The following ITGAE variants were observed in gnomAD, a reference collection of about 807,000 sequenced individuals.
ITGAE encodes the protein integrin subunit alpha E.
ITGAE carries 99 observed loss-of-function variants against 136.5 expected under a neutral mutation model. The ratio of observed to expected loss-of-function variants is 0.73; its 90% CI spans 0.62 to 0.86. ITGAE has a LOEUF of 0.86. Among genes scored for constraint, ITGAE ranks in the 40% least tolerant of loss-of-function variants. The pLI is 0.00. For missense variants in ITGAE, 1,447 were observed against 1,515.3 expected, an observed-to-expected ratio of 0.95 and a Z score of 0.75; for synonymous variants, 613 against 591.8, an observed-to-expected ratio of 1.04 and a Z score of -0.52.
intron 12 of ITGAE, 42 bp from the exon 13 acceptor site, chr17:3,753,967 C>T (rs2051938494): frequency 1.9e-6 from 3 of 1,594,234 alleles, no homozygotes; most frequent in Middle Eastern, 1.7e-4. Flanking sequence ...CCGTGTGCTC[C>T]CACCTGGCCT....
chr17:3,770,643 G>T (rs138672473), intron 2 of ITGAE, among the ~76,000 whole-genome samples: 1 of 152,276 alleles, frequency 6.6e-6, no homozygotes. Context: ...GCAGGCCCGT[G>T]GTCTCAGGCC....
intron 1 of ITGAE, among the ~76,000 whole-genome samples, chr17:3,795,987 ATC>A (rs1380349119): frequency 3.1e-4 from 8 of 25,620 alleles, no homozygotes; most frequent in South Asian, 2.1e-3. Flanking sequence ...CCGTGTGTGC[ATC>A]TGTGTGTGCA....
intron 4 of ITGAE, 50 bp downstream of exon 4, chr17:3,761,865 G>A: frequency 1.3e-6 from 2 of 1,511,148 alleles, no homozygotes; most frequent in Non-Finnish European, 1.8e-6. Context: ...AACCACGAGG[G>A]CTAGCACCAG....
chr17:3,773,033 C>T (rs1049685433), intron 2 of ITGAE, among the ~76,000 whole-genome samples: 3 of 152,204 alleles, frequency 2.0e-5, no homozygotes, highest in Non-Finnish European at 4.4e-5. Context: ...TCCCACAAGA[C>T]TGCTCCTAAC....
At position 3,749,410 on chromosome 17, in the gene ITGAE, G is replaced by A. The variant is rs141604170; in HGVS notation, c.2024+942C>T. On this transcript the variant is annotated intron_variant, in intron 16 of 30. Coordinates refer to ENST00000263087, the MANE Select transcript of ITGAE (RefSeq NM_002208.5). ...TGGGACTATAGGCGCCCGCCACCAT[G>A]CCCGGCTAATTTTTTGTATTTTTAG... Among the ~76,000 whole-genome samples the A allele has an allele frequency of 5.6e-3, 854 of 152,172 alleles. 11 individuals carry two copies. The highest frequency in any genetic ancestry group is 0.02 in the African/African-American group (812 of 41,546).
chr17:3,795,319 C>G (rs1241667503), intron 1 of ITGAE, among the ~76,000 whole-genome samples: 2 of 152,198 alleles, frequency 1.3e-5, no homozygotes, highest in African/African-American at 4.8e-5. Context: ...CAGGGCCAGG[C>G]CCACCCAAAA....
At chr17:3,738,318 C>T (rs1171038366) in intron 20 of ITGAE, among the ~76,000 whole-genome samples, 2 of 152,020 alleles carry the variant, frequency 1.3e-5, no homozygotes, top group African/African-American at 4.8e-5. Flanking sequence ...TTACAGGCGC[C>T]CACCACCATG....
In ITGAE at chr17:3,751,648, A is replaced by G. The variant is rs753823372; in HGVS notation, c.1893+2T>C. ...GAGGAAGGAGAGGGCCCCATGGGTC[A>G]CCTGCGAGGGGCTGGCGGAGAGGCC... On this transcript the variant is annotated splice_donor_variant, in intron 15 of 30. Transcript: ENST00000263087. LOFTEE classifies it high-confidence loss of function. 6.2e-7 allele frequency: 1 copy of G among 1,613,006 alleles called. No homozygotes were observed. Among genetic ancestry groups the G allele is most frequent in the Non-Finnish European group, 8.5e-7 (1 of 1,179,220 alleles).
intron 2 of ITGAE, among the ~76,000 whole-genome samples, chr17:3,772,621 G>A (rs540212067): frequency 1.3e-5 from 2 of 152,088 alleles, no homozygotes; most frequent in East Asian, 1.9e-4. Flanking sequence ...GCGCCACCAC[G>A]CCCAGATAAT....
intron 8 of ITGAE, among the ~76,000 whole-genome samples, chr17:3,758,918 G>C (rs2052093927): frequency 6.6e-6 from 1 of 151,286 alleles, no homozygotes; most frequent in Non-Finnish European, 1.5e-5. Flanking sequence ...GAGGTCAGGA[G>C]ATCGAGACCA....
intron 20 of ITGAE, among the ~76,000 whole-genome samples, chr17:3,735,389 A>C (rs1047901156): frequency 9.2e-5 from 14 of 151,994 alleles, no homozygotes; most frequent in Non-Finnish European, 1.9e-4. Flanking sequence ...CTGGTCTCGA[A>C]CTCCTGACCT....
chr17:3,734,742 G>A (rs2051423468), intron 21 of ITGAE, 75 bp downstream of exon 21: 2 of 1,576,264 alleles, frequency 1.3e-6, no homozygotes, highest in Non-Finnish European at 1.7e-6. Flanking sequence ...CAGTGAGGGG[G>A]CCACCACAGA....
intron 2 of ITGAE, among the ~76,000 whole-genome samples, chr17:3,772,186 A>G (rs1006569550): frequency 1.3e-5 from 2 of 152,198 alleles, no homozygotes; most frequent in Admixed American, 1.3e-4. Flanking sequence ...AAATCCTAGT[A>G]GACGCTGATG....
chr17:3,795,078 G>A (rs934576216), intron 1 of ITGAE, among the ~76,000 whole-genome samples: 1 of 152,124 alleles, frequency 6.6e-6, no homozygotes, highest in Non-Finnish European at 1.5e-5. Context: ...CAGGAGCCAG[G>A]AGCCAATCCA....
At chr17:3,788,194 CTTACT>C (rs1050151455) in intron 1 of ITGAE, among the ~76,000 whole-genome samples, 3 of 146,448 alleles carry the variant, frequency 2.0e-5, no homozygotes, top group South Asian at 2.1e-4. Context: ...TTTTCACTCA[CTTACT>C]TTTTTTTTTT....
At chr17:3,718,685 T>G (rs1438843872) in intron 29 of ITGAE, among the ~76,000 whole-genome samples, 1 of 152,126 alleles carries the variant, frequency 6.6e-6, no homozygotes, top group African/African-American at 2.4e-5. Flanking sequence ...AATAAAAGTA[T>G]CAGTAAGTAA....
At chr17:3,756,200 A>G (rs543772769) in intron 10 of ITGAE, among the ~76,000 whole-genome samples, 2 of 147,630 alleles carry the variant, frequency 1.4e-5, no homozygotes, top group African/African-American at 5.0e-5. Context: ...CTGGGACGCA[A>G]GGAGGCCTGG....
chr17:3,756,838 C>A (rs934280978), intron 10 of ITGAE, 146 bp downstream of exon 10: 23 of 851,276 alleles, frequency 2.7e-5, no homozygotes, highest in Non-Finnish European at 3.7e-5. Context: ...CCACCACACC[C>A]GGCCATTGCC....
intron 28 of ITGAE, among the ~76,000 whole-genome samples, chr17:3,720,868 C>G (rs971754423): frequency 1.8e-4 from 27 of 152,294 alleles, no homozygotes; most frequent in African/African-American, 6.5e-4. Context: ...CAGGCGTGAG[C>G]TGCCGCGCCT....
Sources: gnomAD v4.1 joint callset for allele counts (sites outside exome capture counted in the v4.1 genomes callset) on GRCh38, gnomAD v4.1.1 for gene constraint, MANE v1.5 for transcripts, NCBI Gene and HGNC (gene_info 2026-07-23, HGNC 2026-07-21) for gene names.